The following DPH6 variants were observed in gnomAD, a reference collection of about 807,000 sequenced individuals.
The protein encoded by DPH6 is diphthamine biosynthesis 6, also known as diphthine--ammonia ligase.
Under a neutral mutation model 38.2 loss-of-function variants are expected in DPH6, and 33 were observed. That is an observed-to-expected ratio of 0.86 (90% CI 0.65 to 1.15). The LOEUF (loss-of-function observed/expected upper bound fraction) is 1.15. Among genes scored for constraint, DPH6 ranks in the 50% most tolerant of loss-of-function variants. DPH6 has a pLI of 0.00. For missense variants in DPH6, 325 were observed against 320.0 expected (o/e 1.02, Z -0.12); for synonymous variants, 108 against 103.0 (o/e 1.05, Z -0.30).
chr15:35,314,713 T>C (rs931998908), intron 3 of DPH6, among the ~76,000 whole-genome samples: 4 of 152,116 alleles, frequency 2.6e-5, no homozygotes, highest in South Asian at 2.1e-4. Context: ...TTGAAGCAAA[T>C]TGGAAAGGTG....
At chr15:35,530,315 AAAAC>A (rs986660874) in intron 3 of DPH6, among the ~76,000 whole-genome samples, 8 of 152,158 alleles carry the variant, frequency 5.3e-5, no homozygotes, top group African/African-American at 7.2e-5. Flanking sequence ...AAACAAAACA[AAAAC>A]AAACAAACAA....
intron 4 of DPH6, among the ~76,000 whole-genome samples, chr15:35,453,752 A>G (rs2053964183): frequency 6.6e-6 from 1 of 151,896 alleles, no homozygotes; most frequent in African/African-American, 2.4e-5. Flanking sequence ...TATTTTTTTT[A>G]ACTGCCCTAA....
chr15:35,471,760 GCT>G (rs1242578034), intron 3 of DPH6, among the ~76,000 whole-genome samples: 1 of 152,054 alleles, frequency 6.6e-6, no homozygotes, highest in Non-Finnish European at 1.5e-5. Flanking sequence ...TCAGAAGTAA[GCT>G]CTCTCTCATT....
chr15:35,310,164 G>A (rs1318423394), intron 3 of DPH6, among the ~76,000 whole-genome samples: 1 of 152,194 alleles, frequency 6.6e-6, no homozygotes, highest in Non-Finnish European at 1.5e-5. Context: ...AGAACACCAC[G>A]TAGAACGAGA....
chr15:35,527,919 G>A (rs1163464410), intron 3 of DPH6, among the ~76,000 whole-genome samples: 1 of 152,110 alleles, frequency 6.6e-6, no homozygotes, highest in African/African-American at 2.4e-5. Flanking sequence ...GAGTTTAAAG[G>A]ATAAATTATA....
rs117164589 is a variant in DPH6, at chr15:35,541,329, C to T, written c.118+1084G>A. On this transcript the variant is annotated intron_variant, in intron 2 of 8. Transcript: ENST00000256538. ...GGCTAATCCAAATTAGTTCATTATA[C>T]ACCTGTCCACCAATCAACCTTGCGT... Among the ~76,000 whole-genome samples the T allele has an allele frequency of 3.1e-3, 466 of 152,206 alleles. 3 individuals carry two copies. The East Asian group carries it at 0.034, about 11-fold the overall frequency.
intron 6 of DPH6, among the ~76,000 whole-genome samples, chr15:35,391,733 C>T (rs536790642): frequency 1.6e-4 from 24 of 152,298 alleles, no homozygotes; most frequent in South Asian, 6.2e-4. Context: ...TTCCAGGTGC[C>T]GTCTGTCACC....
chr15:35,237,586 T>C (rs1442175065), intron 3 of DPH6: 2 of 1,583,296 alleles, frequency 1.3e-6, no homozygotes, highest in African/African-American at 1.4e-5. Flanking sequence ...CAGAAAAGTG[T>C]CCGAACCTCA....
At chr15:35,517,227 T>C (rs2054859787) in intron 3 of DPH6, among the ~76,000 whole-genome samples, 1 of 152,122 alleles carries the variant, frequency 6.6e-6, no homozygotes, top group South Asian at 2.1e-4. Flanking sequence ...AAAAGAAATG[T>C]ATGTAGAATA....
At chr15:35,158,313 G>C in the DPH6 span, among the ~76,000 whole-genome samples, 1 of 152,086 alleles carries the variant, frequency 6.6e-6, no homozygotes, top group South Asian at 2.1e-4. Flanking sequence ...ATTTGGGGGA[G>C]AAGGTATCAG....
At chr15:35,487,608 C>A (rs1763806285) in intron 3 of DPH6, among the ~76,000 whole-genome samples, 1 of 152,214 alleles carries the variant, frequency 6.6e-6, no homozygotes, top group Non-Finnish European at 1.5e-5. Context: ...GTAGGCCTGG[C>A]CCACAAAACC....
downstream of DPH6, among the ~76,000 whole-genome samples, chr15:35,216,941 T>G (rs1170879104): frequency 6.6e-6 from 1 of 152,144 alleles, no homozygotes; most frequent in Non-Finnish European, 1.5e-5. Flanking sequence ...GGACAGAATG[T>G]AAAGGAAAGG....
chr15:35,486,114 GA>G (rs1231623673), intron 3 of DPH6, among the ~76,000 whole-genome samples: 1 of 152,160 alleles, frequency 6.6e-6, no homozygotes, highest in Non-Finnish European at 1.5e-5. Context: ...AAAGCCTCAG[GA>G]AACTTACAAT....
At chr15:35,299,053 CT>C in intron 3 of DPH6, 1 of 714,478 alleles carries the variant, frequency 1.4e-6, no homozygotes. Context: ...TCTTCTCTTT[CT>C]TCTATTTCTT....
At chr15:35,539,665 TA>T (rs539406020) in intron 2 of DPH6, among the ~76,000 whole-genome samples, 5 of 152,060 alleles carry the variant, frequency 3.3e-5, no homozygotes, top group Non-Finnish European at 7.4e-5. Flanking sequence ...AAAATGCTAT[TA>T]AAAAAATTAC....
At chr15:35,293,674 T>A (rs187908042) in intron 3 of DPH6, among the ~76,000 whole-genome samples, 3 of 152,344 alleles carry the variant, frequency 2.0e-5, no homozygotes, top group Admixed American at 6.5e-5. Flanking sequence ...TACTGAATGA[T>A]GATCTAGCAA....
chr15:35,453,122 T>C (rs185902426), intron 4 of DPH6, among the ~76,000 whole-genome samples: 4 of 152,198 alleles, frequency 2.6e-5, no homozygotes, highest in Admixed American at 2.6e-4. Context: ...TGTGGACCAA[T>C]GGACTCCCAG....
At chr15:35,183,882 A>G in the DPH6 span, among the ~76,000 whole-genome samples, 11 of 152,378 alleles carry the variant, frequency 7.2e-5, no homozygotes, top group South Asian at 2.1e-3. Context: ...ATATGTCAAT[A>G]TTAGCAAGGC....
At chr15:35,338,832 C>T (rs1018708669) in intron 3 of DPH6, among the ~76,000 whole-genome samples, 3 of 152,114 alleles carry the variant, frequency 2.0e-5, no homozygotes, top group African/African-American at 7.2e-5. Context: ...CACATATACA[C>T]CATGGAATAC....
Sources: gnomAD v4.1 joint callset for allele counts (sites outside exome capture counted in the v4.1 genomes callset) on GRCh38, gnomAD v4.1.1 for gene constraint, MANE v1.5 for transcripts, NCBI Gene and HGNC (gene_info 2026-07-23, HGNC 2026-07-21) for gene names.